The following SLITRK6 variants were observed in gnomAD, a reference collection of about 807,000 sequenced individuals.
SLITRK6 encodes SLIT and NTRK like family member 6.
In SLITRK6, 35 loss-of-function variants were observed where a neutral mutation model predicts 55.6. The ratio of observed to expected loss-of-function variants is 0.63; its 90% CI spans 0.48 to 0.83. SLITRK6 has a LOEUF of 0.83. SLITRK6 is among the 40% of genes least tolerant of loss of function. The pLI, the probability that SLITRK6 is intolerant of heterozygous loss-of-function variation, is 0.00. For synonymous variants in SLITRK6, 392 were observed against 359.6 expected, an observed-to-expected ratio of 1.09 and a Z score of -1.02; for missense variants, 977 against 986.4, an observed-to-expected ratio of 0.99 and a Z score of 0.13.
chr13:85,794,730 C>T lies in SLITRK6; in HGVS notation c.1779G>A (p.Thr593=), dbSNP rs373679300. ...MVTTPATTTN[T]ADTILRSLTD... ...TAAGAGATCGTAAAATAGTATCAGC[C>T]GTATTTGTTGTTGTTGCAGGAGTGG... The change falls in exon 2 of 2, where the codon ACG becomes ACA. Residue 593 remains threonine, a synonymous_variant. Transcript: ENST00000647374. 2.2e-5 allele frequency: 36 copies of T among 1,613,026 alleles called. No homozygotes were observed. The African/African-American group carries it at 2.4e-4, about 11-fold the overall frequency.
At position 85,794,131 on chromosome 13, in the gene SLITRK6, G is replaced by A. The variant is rs1487113315; in HGVS notation, c.2378C>T (p.Ala793Val). 1.9e-6 allele frequency: 3 copies of A among 1,613,010 alleles called. No individual in the cohort carries two copies. The highest frequency in any genetic ancestry group is 1.3e-5 in the African/African-American group (1 of 74,932). ...QPDMEAHYPG[A>V]HEELKLMETL... The stretch of plus-strand genomic sequence containing the variant: ...TTCCATTAACTTCAGCTCTTCGTGG[G>A]CTCCAGGATAATGTGCCTCCATATC... Residue 793 changes from alanine to valine, a missense_variant, in exon 2 of 2, where the codon GCC (alanine) becomes GTC (valine). Physicochemically the swap from Ala to Val is moderately conservative, Grantham distance 64 (BLOSUM62 0). Coordinates refer to ENST00000647374, the MANE Select transcript of SLITRK6 (RefSeq NM_032229.3).
In SLITRK6 at chr13:85,799,160, C is replaced by T. The variant is rs1166164524; in HGVS notation, c.-271G>A. The T allele has an allele frequency of 6.6e-6, 1 of 151,754 alleles. No homozygotes were observed. The highest frequency in any genetic ancestry group is 1.5e-5 in the Non-Finnish European group (1 of 67,944). 9.4% of individuals were successfully genotyped at this position (151,754 alleles called of 1,614,324 possible). The stretch of plus-strand genomic sequence containing the variant: ...TACTAGAGCATCCTGAAGCAATTGT[C>T]CCTTTTTCCCTCAATTAAAATTCAC... On this transcript the variant is annotated 5_prime_UTR_variant, in exon 1 of 2. Coordinates refer to ENST00000647374, the MANE Select transcript of SLITRK6 (RefSeq NM_032229.3).
In SLITRK6 at chr13:85,795,982, G is replaced by A; in HGVS notation, c.527C>T (p.Pro176Leu). 6.2e-7 allele frequency: 1 copy of A among 1,613,110 alleles called. No homozygotes were observed. The highest frequency in any genetic ancestry group is 8.5e-7 in the Non-Finnish European group (1 of 1,179,432). ...ILNDNAIESL[P>L]PNIFRFVPLT... Reference sequence around the variant, plus strand: ...AGGAACAAATCGGAAGATGTTTGGAGGAAGACTCTCAATAGCATTGTCATT... The same window carrying A: ...AGGAACAAATCGGAAGATGTTTGGAAGAAGACTCTCAATAGCATTGTCATT... The change falls in exon 2 of 2, where the codon CCT becomes CTT. Residue 176 changes from proline to leucine, a missense_variant. By Grantham distance (98) the Pro-to-Leu change is moderately conservative. Transcript: ENST00000647374.
chr13:85,794,438 T>C lies in SLITRK6; in HGVS notation c.2071A>G (p.Arg691Gly). 1 of 1,613,428 alleles carries C rather than the reference T, an allele frequency of 6.2e-7. No individual in the cohort carries two copies. Among genetic ancestry groups the C allele is most frequent in the Non-Finnish European group, 8.5e-7 (1 of 1,179,564 alleles). The change falls in exon 2 of 2, where the codon AGA becomes GGA. Residue 691 changes from arginine to glycine, a missense_variant. Arg to Gly is a moderately radical substitution (Grantham distance 125). Transcript: ENST00000647374. The stretch of plus-strand genomic sequence containing the variant: ...TGCTTTGGACCAAAGGATGGACTTC[T>C]ATAGACATGAACCATGGGGCTCACC... ...HMVSPMVHVY[R>G]SPSFGPKHLE...
chr13:85,795,723 C>T lies in SLITRK6; in HGVS notation c.786G>A (p.Lys262=), dbSNP rs1438239039. ...GTGGAGTAGGGCAAATAGATTCCTTCTTTAGTCTACTGAGTATACTTCCTT... is the reference window on the plus strand; with the variant it reads ...GTGGAGTAGGGCAAATAGATTCCTTTTTTAGTCTACTGAGTATACTTCCTT... The part of the protein sequence containing the change: ...FFKGSILSRL[K]KESICPTPPV... Residue 262 remains lysine, a synonymous_variant, in exon 2 of 2, where the codon AAG becomes AAA. Transcript: ENST00000647374. 1.2e-6 allele frequency: 2 copies of T among 1,612,824 alleles called. No individual in the cohort carries two copies. The highest frequency in any genetic ancestry group is 1.7e-5 in the Admixed American group (1 of 59,794).
Position 85,794,426 on chromosome 13 carries a change from A to T in SLITRK6, c.2083T>A (p.Phe695Ile). The change falls in exon 2 of 2, where the codon TTT becomes ATT. Residue 695 changes from phenylalanine to isoleucine, a missense_variant. Physicochemically the swap from Phe to Ile is conservative, Grantham distance 21. Transcript: ENST00000647374. ...PMVHVYRSPS[F>I]GPKHLEEEEE... ...TCCTCTTCCAGATGCTTTGGACCAA[A>T]GGATGGACTTCTATAGACATGAACC... 6.2e-7 allele frequency: 1 copy of T among 1,613,238 alleles called. No individual in the cohort carries two copies. Among genetic ancestry groups the T allele is most frequent in the Non-Finnish European group, 8.5e-7 (1 of 1,179,548 alleles).
chr13:85,795,950 G>T lies in SLITRK6; in HGVS notation c.559C>A (p.His187Asn), dbSNP rs993253910. Residue 187 changes from histidine (H) to asparagine (N), a missense_variant, in exon 2 of 2, where the codon CAT becomes AAT. His to Asn is a moderately conservative substitution (Grantham distance 68). Coordinates refer to ENST00000647374, the MANE Select transcript of SLITRK6 (RefSeq NM_032229.3). The part of the protein sequence containing the change: ...PNIFRFVPLT[H>N]LDLRGNQLQT... ...AATTGATTTCCACGAAGATCTAGATGGGTTAAAGGAACAAATCGGAAGATG... is the reference window on the plus strand; with the variant it reads ...AATTGATTTCCACGAAGATCTAGATTGGTTAAAGGAACAAATCGGAAGATG... The T allele has an allele frequency of 6.8e-6, 11 of 1,612,784 alleles. No individual in the cohort carries two copies. In the African/African-American group the frequency reaches 1.5e-4, roughly 22 times the overall value.
chr13:85,793,978 T>C lies in SLITRK6; in HGVS notation c.*5A>G. 6.3e-7 allele frequency: 1 copy of C among 1,582,414 alleles called. No individual in the cohort carries two copies. Among genetic ancestry groups the C allele is most frequent in the Non-Finnish European group, 8.6e-7 (1 of 1,166,208 alleles). ...CATTTCTGCGAAAGCCCTCAAACTC[T>C]CCATCTATGTTTGCTGCTCCAGGAC... On this transcript the variant is annotated 3_prime_UTR_variant, in exon 2 of 2. Coordinates refer to ENST00000647374, the MANE Select transcript of SLITRK6 (RefSeq NM_032229.3).
chr13:85,793,325 C>A lies in SLITRK6; in HGVS notation c.*658G>T, dbSNP rs1032147733. ...CCAAAAAGTATGCTTATTTCTTCCA[C>A]CTGAACTATTAATCATTTTAACTTT... On this transcript the variant is annotated 3_prime_UTR_variant, in exon 2 of 2. Transcript: ENST00000647374. 6.6e-6 allele frequency: 1 copy of A among 152,184 alleles called. No individual in the cohort carries two copies. The highest frequency in any genetic ancestry group is 1.5e-5 in the Non-Finnish European group (1 of 67,896). 9.4% of individuals were successfully genotyped at this position (152,184 alleles called of 1,614,324 possible). A position where few individuals can be genotyped will look rare whatever the true frequency, so the allele number is the denominator to read the frequency against.
At chr13:85,796,579 G>C in intron 1 of SLITRK6, 47 bp from the exon 2 acceptor site, 1 of 1,386,200 alleles carries the variant, frequency 7.2e-7, no homozygotes, top group East Asian at 2.5e-5. Context: ...GGCAGAACTG[G>C]GGAGGAGATG....
rs752463339 is a variant in SLITRK6, at chr13:85,794,695, A to G, written c.1814T>C (p.Val605Ala). Residue 605 changes from valine to alanine, a missense_variant, in exon 2 of 2, where the codon GTG becomes GCG. Val to Ala is a moderately conservative substitution (Grantham distance 64). Coordinates refer to ENST00000647374, the MANE Select transcript of SLITRK6 (RefSeq NM_032229.3). The stretch of plus-strand genomic sequence containing the variant: ...TCCCAATATTAGAACAGACAGTGGC[A>G]CAGCGTCCGTAAGAGATCGTAAAAT... ...DTILRSLTDA[V>A]PLSVLILGLL... The G allele has an allele frequency of 1.2e-6, 2 of 1,613,354 alleles. No individual in the cohort carries two copies. Among genetic ancestry groups the G allele is most frequent in the South Asian group, 2.2e-5 (2 of 91,074 alleles).
chr13:85,798,939 G>T lies in SLITRK6; in HGVS notation c.-50C>A, dbSNP rs554382084. 17 of 151,820 alleles carry T rather than the reference G, an allele frequency of 1.1e-4. No homozygotes were observed. The highest frequency in any genetic ancestry group is 4.1e-4 in the African/African-American group (17 of 41,432). The allele number at this position is 151,820 out of a possible 1,614,324, so 9.4% of individuals were successfully genotyped here. A position where few individuals can be genotyped will look rare whatever the true frequency, so the allele number is the denominator to read the frequency against. ...CTGTAAAGCAGAGACTCTTCCTGAC[G>T]TTATCTGTAATGCACAGCTGGAAGA... On this transcript the variant is annotated 5_prime_UTR_variant, in exon 1 of 2. Coordinates refer to ENST00000647374, the MANE Select transcript of SLITRK6 (RefSeq NM_032229.3).
chr13:85,793,871 A>T lies in SLITRK6; in HGVS notation c.*112T>A. 1 of 1,229,260 alleles carries T rather than the reference A, an allele frequency of 8.1e-7. No individual in the cohort carries two copies. The highest frequency in any genetic ancestry group is 1.1e-6 in the Non-Finnish European group (1 of 908,148). 76.1% of individuals were successfully genotyped at this position (1,229,260 alleles called of 1,614,324 possible). A position where few individuals can be genotyped will look rare whatever the true frequency, so the allele number is the denominator to read the frequency against. ...TCTTCTTTTTTTTTCCCCATAGTTTACTGCTGTGCTTAGGTTCTGATTGAT... is the reference window on the plus strand; with the variant it reads ...TCTTCTTTTTTTTTCCCCATAGTTTTCTGCTGTGCTTAGGTTCTGATTGAT... On this transcript the variant is annotated 3_prime_UTR_variant, in exon 2 of 2. Transcript: ENST00000647374.
In SLITRK6 at chr13:85,796,366, C is replaced by G. The variant is rs1203203809; in HGVS notation, c.143G>C (p.Cys48Ser). Residue 48 changes from cysteine (C) to serine (S), a missense_variant, in exon 2 of 2, where the codon TGT (cysteine) becomes TCT (serine). By Grantham distance (112) the Cys-to-Ser change is moderately radical. Transcript: ENST00000647374. ...TACCATCTTGATACCTTTTGCTTCA[C>G]AATTTATTAGCATTGTGCCATCTTT... ...EEKDGTMLIN[C>S]EAKGIKMVSE... 1 of 1,612,594 alleles carries G rather than the reference C, an allele frequency of 6.2e-7. No individual in the cohort carries two copies.
chr13:85,795,575 C>A lies in SLITRK6; in HGVS notation c.934G>T (p.Gly312Cys). The change falls in exon 2 of 2, where the codon GGT becomes TGT. Residue 312 changes from glycine (G) to cysteine (C), a missense_variant. Gly to Cys is a radical substitution (Grantham distance 159). Coordinates refer to ENST00000647374, the MANE Select transcript of SLITRK6 (RefSeq NM_032229.3). Reference protein sequence around the residue: ...SILKLPTKAPGLIPYITKPST... With the variant: ...SILKLPTKAPCLIPYITKPST... ...GGCTTTGTAATATAAGGTATCAAAC[C>A]TGGTGCTTTGGTGGGTAGTTTTAGA... is the stretch of plus-strand genomic sequence containing the variant. The A allele has an allele frequency of 6.2e-7, 1 of 1,612,804 alleles. No homozygotes were observed. The highest frequency in any genetic ancestry group is 1.1e-5 in the South Asian group (1 of 91,040).
In SLITRK6 at chr13:85,794,692, G is replaced by C; in HGVS notation, c.1817C>G (p.Pro606Arg). The C allele has an allele frequency of 6.2e-7, 1 of 1,613,260 alleles. No homozygotes were observed. Among genetic ancestry groups the C allele is most frequent in the Non-Finnish European group, 8.5e-7 (1 of 1,179,516 alleles). ...TILRSLTDAV[P>R]LSVLILGLLI... Reference sequence around the variant, plus strand: ...AAGTCCCAATATTAGAACAGACAGTGGCACAGCGTCCGTAAGAGATCGTAA... The same window carrying C: ...AAGTCCCAATATTAGAACAGACAGTCGCACAGCGTCCGTAAGAGATCGTAA... The change falls in exon 2 of 2, where the codon CCA becomes CGA. Residue 606 changes from proline to arginine, a missense_variant. Coordinates refer to ENST00000647374, the MANE Select transcript of SLITRK6 (RefSeq NM_032229.3).
At position 85,793,161 on chromosome 13, in the gene SLITRK6, C is replaced by G. The variant is rs1874595459; in HGVS notation, c.*822G>C. ...AAATAAAGCAAACCCAATATATTCT[C>G]TAGTCATATTTACAGCAGAATCTCA... On this transcript the variant is annotated 3_prime_UTR_variant, in exon 2 of 2. Coordinates refer to ENST00000647374, the MANE Select transcript of SLITRK6 (RefSeq NM_032229.3). The G allele has an allele frequency of 6.6e-6, 1 of 151,930 alleles. No individual in the cohort carries two copies. Among genetic ancestry groups the G allele is most frequent in the Admixed American group, 6.6e-5 (1 of 15,152 alleles). The allele number at this position is 151,930 out of a possible 1,614,324, so 9.4% of individuals were successfully genotyped here. A position where few individuals can be genotyped will look rare whatever the true frequency, so the allele number is the denominator to read the frequency against.
rs1232425274 is a variant in SLITRK6 at position 85,794,072 on chromosome 13, C to T, written c.2437G>A (p.Val813Met). The change falls in exon 2 of 2, where the codon GTG becomes ATG. Residue 813 changes from valine (V) to methionine (M), a missense_variant. Val to Met is a conservative substitution (Grantham distance 21). Transcript: ENST00000647374. ...LMYSRPRKVL[V>M]EQTKNEYFEL... ...AAATACTCATTTTTTGTCTGTTCCA[C>T]TAATACCTTCCTTGGACGTGAGTAC... The T allele has an allele frequency of 1.2e-6, 2 of 1,612,754 alleles. No individual in the cohort carries two copies. The highest frequency in any genetic ancestry group is 2.7e-5 in the African/African-American group (2 of 74,802).
Position 85,793,847 on chromosome 13 carries a change from C to T in SLITRK6, c.*136G>A. 9.6e-7 allele frequency: 1 copy of T among 1,041,026 alleles called. No homozygotes were observed. The highest frequency in any genetic ancestry group is 1.3e-6 in the Non-Finnish European group (1 of 757,120). 64.5% of individuals were successfully genotyped at this position (1,041,026 alleles called of 1,614,324 possible). The stretch of plus-strand genomic sequence containing the variant: ...AGTGATCCCTGAGTTTCTTTTTCTT[C>T]TTCTTTTTTTTTCCCCATAGTTTAC... On this transcript the variant is annotated 3_prime_UTR_variant, in exon 2 of 2. Transcript: ENST00000647374.
Sources: allele counts gnomAD v4.1 joint callset, GRCh38; gene constraint gnomAD v4.1.1; transcripts MANE v1.5; gene names NCBI Gene and HGNC (gene_info 2026-07-23, HGNC 2026-07-21).